Variants in MAST4 observed in about 807,000 individuals in gnomAD.
MAST4 encodes microtubule associated serine/threonine kinase family member 4, also known as microtubule-associated serine/threonine-protein kinase 4.
In MAST4, 89 loss-of-function variants were observed where a neutral mutation model predicts 162.7. The observed-to-expected ratio is 0.55, with a 90% CI of 0.46 to 0.65. The LOEUF (loss-of-function observed/expected upper bound fraction) is 0.65, where lower values mean the gene tolerates loss of function less well. Ranked by LOEUF, MAST4 falls within the 30% of genes least tolerant of loss-of-function variation. The pLI is 0.00. For synonymous variants in MAST4, 1,479 were observed against 1,361.1 expected, an observed-to-expected ratio of 1.09 and a Z score of -1.91; for missense variants, 3,153 against 3,374.0, an observed-to-expected ratio of 0.93 and a Z score of 1.62.
At chr5:66,602,325 T>C (rs1256981465) in intron 1 of MAST4, among the ~76,000 whole-genome samples, 2 of 152,092 alleles carry the variant, frequency 1.3e-5, no homozygotes, top group African/African-American at 4.8e-5. Flanking sequence ...GCATTACCAG[T>C]CTTTCTTGGA....
chr5:66,697,670 T>TA (rs1749492728), intron 1 of MAST4, among the ~76,000 whole-genome samples: 1 of 152,218 alleles, frequency 6.6e-6, no homozygotes, highest in South Asian at 2.1e-4. Context: ...TGCAAAAAGG[T>TA]AAAAACAATG....
intron 5 of MAST4, among the ~76,000 whole-genome samples, chr5:67,060,096 T>G (rs1380399036): frequency 6.6e-6 from 1 of 152,186 alleles, no homozygotes; most frequent in African/African-American, 2.4e-5. Context: ...ATCATGTACA[T>G]TTTTTAAACA....
At chr5:66,927,785 C>A (rs1008834732) in intron 4 of MAST4, among the ~76,000 whole-genome samples, 4 of 152,196 alleles carry the variant, frequency 2.6e-5, no homozygotes, top group African/African-American at 9.6e-5. Flanking sequence ...GTGGCTTGAA[C>A]AACAGAAATT....
intron 1 of MAST4, among the ~76,000 whole-genome samples, chr5:66,697,876 A>G (rs1438055023): frequency 7.9e-5 from 12 of 152,196 alleles, no homozygotes; most frequent in Non-Finnish European, 5.9e-5. Context: ...AACATTTATG[A>G]GTACAAAGGG....
At chr5:66,890,340 G>A (rs78644298) in intron 3 of MAST4, among the ~76,000 whole-genome samples, 2,068 of 152,192 alleles carry the variant, frequency 0.014, 46 homozygotes, top group African/African-American at 0.047. Flanking sequence ...ATTCCTCCTA[G>A]GTCATACTGA....
At chr5:66,818,273 C>T (rs148480669) in intron 3 of MAST4, among the ~76,000 whole-genome samples, 15 of 152,054 alleles carry the variant, frequency 9.9e-5, no homozygotes, top group East Asian at 5.8e-4. Flanking sequence ...AACTAAGAGA[C>T]GGAGAAAGGC....
At chr5:66,677,584 A>C (rs1194673422) in intron 1 of MAST4, among the ~76,000 whole-genome samples, 3 of 152,220 alleles carry the variant, frequency 2.0e-5, no homozygotes, top group Admixed American at 6.5e-5. Context: ...TGCATCTCTG[A>C]GACTAGTAAG....
chr5:66,858,331 G>A (rs57496587), intron 3 of MAST4, among the ~76,000 whole-genome samples: 6,707 of 152,142 alleles, frequency 0.044, 226 homozygotes, highest in South Asian at 0.13. Flanking sequence ...TTAAAGTTGT[G>A]TTTTGACATT....
intron 4 of MAST4, among the ~76,000 whole-genome samples, chr5:66,983,839 G>C (rs73766115): frequency 6.6e-6 from 1 of 152,204 alleles, no homozygotes; most frequent in Non-Finnish European, 1.5e-5. Flanking sequence ...ACTTCAGATA[G>C]TGGGGTTTAC....
At chr5:66,915,451 G>C (rs1023958120) in intron 4 of MAST4, among the ~76,000 whole-genome samples, 1 of 151,920 alleles carries the variant, frequency 6.6e-6, no homozygotes, top group African/African-American at 2.4e-5. Context: ...TTTCTAAAAA[G>C]GTTATCAAAT....
intron 3 of MAST4, among the ~76,000 whole-genome samples, chr5:66,861,723 T>G (rs1226702978): frequency 6.6e-6 from 1 of 152,246 alleles, no homozygotes. Context: ...TGCATTTGTT[T>G]GAAATATGCA....
intron 1 of MAST4, among the ~76,000 whole-genome samples, chr5:66,727,277 G>T (rs1751582436): frequency 6.6e-6 from 1 of 152,180 alleles, no homozygotes; most frequent in Middle Eastern, 3.4e-3. Context: ...TTACCTTATG[G>T]TAGCATACTC....
chr5:67,126,998 T>C (rs1186018848), intron 14 of MAST4, among the ~76,000 whole-genome samples: 1 of 152,220 alleles, frequency 6.6e-6, no homozygotes, highest in Non-Finnish European at 1.5e-5. Flanking sequence ...TTATTCTCTT[T>C]GTAGCAGTTG....
intron 1 of MAST4, among the ~76,000 whole-genome samples, chr5:66,637,239 TTC>T (rs1491409640): frequency 1.3e-5 from 1 of 76,958 alleles, no homozygotes; most frequent in Non-Finnish European, 2.4e-5. Context: ...ATTATTTCCA[TTC>T]TTTTTTTTTT....
intron 3 of MAST4, among the ~76,000 whole-genome samples, chr5:66,842,315 G>C (rs1758483766): frequency 6.6e-6 from 1 of 152,164 alleles, no homozygotes; most frequent in African/African-American, 2.4e-5. Flanking sequence ...CAATGTAGCA[G>C]AGAAGGCATC....
At chr5:66,700,374 A>G (rs1749689237) in intron 1 of MAST4, among the ~76,000 whole-genome samples, 1 of 152,074 alleles carries the variant, frequency 6.6e-6, no homozygotes. Flanking sequence ...TTTAATCTTG[A>G]TAAAATCCTT....
intron 2 of MAST4, among the ~76,000 whole-genome samples, chr5:66,770,811 C>G (rs1011197720): frequency 1.3e-4 from 20 of 152,110 alleles, no homozygotes; most frequent in African/African-American, 4.8e-4. Flanking sequence ...CAGTTCTGTA[C>G]CTGATAGTTT....
chr5:66,635,345 A>T (rs1220693944), intron 1 of MAST4, among the ~76,000 whole-genome samples: 10 of 152,188 alleles, frequency 6.6e-5, no homozygotes, highest in African/African-American at 2.4e-4. Flanking sequence ...GTTCCAGGCA[A>T]TTCTGTTATG....
At chr5:66,813,277 T>A (rs1176340983) in intron 3 of MAST4, among the ~76,000 whole-genome samples, 1 of 152,224 alleles carries the variant, frequency 6.6e-6, no homozygotes. Context: ...TAGAGGAATG[T>A]TCACATTTGC....
Sources: allele counts gnomAD v4.1 joint callset (sites outside exome capture counted in the v4.1 genomes callset), GRCh38; gene constraint gnomAD v4.1.1; transcripts MANE v1.5; gene names NCBI Gene and HGNC (gene_info 2026-07-23, HGNC 2026-07-21).